ENPP1: variants seen among roughly 807,000 people sequenced by gnomAD.
ENPP1 encodes the protein ectonucleotide pyrophosphatase/phosphodiesterase 1, also known as ectonucleotide pyrophosphatase/phosphodiesterase family member 1.
Under a neutral mutation model 122.8 loss-of-function variants are expected in ENPP1, and 73 were observed. That is an observed-to-expected ratio of 0.59 (90% CI 0.49 to 0.72). The LOEUF is 0.72. Ranked by LOEUF, ENPP1 falls within the 30% of genes least tolerant of loss-of-function variation. ENPP1 has a pLI of 0.00. For synonymous variants in ENPP1, 367 were observed against 391.6 expected (o/e 0.94, Z 0.74); for missense variants, 978 against 1,128.1 (o/e 0.87, Z 1.91).
At chr6:131,837,322 T>C (rs907103864) in intron 1 of ENPP1, among the ~76,000 whole-genome samples, 4 of 151,782 alleles carry the variant, frequency 2.6e-5, no homozygotes, top group African/African-American at 7.3e-5. Context: ...GGTCAGGAGT[T>C]TGAGACCATC....
intron 1 of ENPP1, chr6:131,826,911 C>T: frequency 2.6e-6 from 1 of 384,634 alleles, no homozygotes; most frequent in South Asian, 2.5e-5. Context: ...GGTGAAATAC[C>T]CAGCATGGGA....
chr6:131,825,398 A>G (rs1258237846), intron 1 of ENPP1, among the ~76,000 whole-genome samples: 1 of 152,226 alleles, frequency 6.6e-6, no homozygotes, highest in African/African-American at 2.4e-5. Context: ...ACCACTAGCT[A>G]CATGTGGCTA....
Position 131,808,126 on chromosome 6 carries a change from C to G in ENPP1, c.91C>G (p.Arg31Gly). ...GGGCCCGGCGGGGAACGGCCGCGAT[C>G]GGGGCCGCAGCCACGCTGCCGAGGC... is the stretch of plus-strand genomic sequence containing the variant. ...REGPAGNGRD[R>G]GRSHAAEAPG... is the part of the protein sequence containing the mutation. Residue 31 changes from arginine (R) to glycine (G), a missense_variant, in exon 1 of 25, where the codon CGG (arginine) becomes GGG (glycine). By Grantham distance (125) the Arg-to-Gly change is moderately radical. This residue lies in a region of ENPP1 where 330 missense variants were observed against 328.5 expected (regional missense o/e 1.00). Coordinates refer to ENST00000647893, the MANE Select transcript of ENPP1 (RefSeq NM_006208.3). The G allele has an allele frequency of 7.7e-7, 1 of 1,299,892 alleles. No individual in the cohort carries two copies. The highest frequency in any genetic ancestry group is 9.8e-7 in the Non-Finnish European group (1 of 1,019,288). The allele number at this position is 1,299,892 out of a possible 1,614,324, so 80.5% of individuals were successfully genotyped here.
At position 131,861,646 on chromosome 6, in the gene ENPP1, C is replaced by T. The variant is rs1782024841; in HGVS notation, c.967C>T (p.Pro323Ser). ...CCTCAAGTCTGGCACATTTTTCTGG[C>T]CAGGATCAGATGTGGAAATTAACGG... ...QGLKSGTFFW[P>S]GSDVEINGIF... Residue 323 changes from proline to serine, a missense_variant, in exon 9 of 25, where the codon CCA becomes TCA. Around this residue, in one of 3 missense-constraint regions of ENPP1, gnomAD observed 644 missense variants for 781.5 expected, o/e 0.82. Transcript: ENST00000647893. The T allele has an allele frequency of 6.2e-7, 1 of 1,613,712 alleles. No individual in the cohort carries two copies. The highest frequency in any genetic ancestry group is 8.5e-7 in the Non-Finnish European group (1 of 1,179,682).
intron 1 of ENPP1, among the ~76,000 whole-genome samples, chr6:131,819,353 A>G (rs1296286367): frequency 2.0e-5 from 3 of 152,272 alleles, no homozygotes. Flanking sequence ...AGATATATGC[A>G]TTCTATCGAA....
chr6:131,836,863 T>A (rs1781680969), intron 1 of ENPP1, among the ~76,000 whole-genome samples: 1 of 152,208 alleles, frequency 6.6e-6, no homozygotes, highest in East Asian at 1.9e-4. Context: ...GGGCAGAGAT[T>A]GTTTTTATCC....
At position 131,872,890 on chromosome 6, in the gene ENPP1, A is replaced by G. The variant is rs773542955; in HGVS notation, c.1438-33A>G. On this transcript the variant is annotated intron_variant, in intron 14 of 24. Transcript: ENST00000647893. ...TGACACTTTTTTAGATATTAGGGAA[A>G]TAATAGTTTTTCTTTGCTGTTTGCA... 2.0e-5 allele frequency: 33 copies of G among 1,610,826 alleles called. No individual in the cohort carries two copies. In the Middle Eastern group the frequency reaches 1.5e-3, roughly 72 times the overall value.
rs538806367 is a variant in ENPP1, at chr6:131,880,993, G to T, written c.2100+959G>T. Among the ~76,000 whole-genome samples, 26 of 152,238 alleles carry T rather than the reference G, an allele frequency of 1.7e-4. No homozygotes were observed. In the South Asian group the frequency reaches 5.4e-3, roughly 32 times the overall value. ...GGTGAAGGAGATGGTGCTGGAAAGA[G>T]AGAAGGGGGAAGATGAGATTTTGAT... is the stretch of plus-strand genomic sequence containing the variant. On this transcript the variant is annotated intron_variant, in intron 20 of 24. Transcript: ENST00000647893.
intron 1 of ENPP1, among the ~76,000 whole-genome samples, chr6:131,815,302 G>T (rs919894090): frequency 3.9e-5 from 6 of 152,086 alleles, no homozygotes; most frequent in African/African-American, 1.2e-4. Flanking sequence ...TTACACCAAG[G>T]CCTCTTTGGT....
chr6:131,873,667 A>G (rs1473523367), intron 15 of ENPP1, among the ~76,000 whole-genome samples: 1 of 152,050 alleles, frequency 6.6e-6, no homozygotes, highest in Non-Finnish European at 1.5e-5. Flanking sequence ...AATATCTCAC[A>G]ACTTGTTCAT....
intron 22 of ENPP1, among the ~76,000 whole-genome samples, chr6:131,884,143 C>T (rs1233783875): frequency 6.6e-6 from 1 of 152,150 alleles, no homozygotes; most frequent in Non-Finnish European, 1.5e-5. Flanking sequence ...TCATCATTAA[C>T]TATTGCAGCA....
intron 7 of ENPP1, among the ~76,000 whole-genome samples, chr6:131,859,911 G>A (rs1781995817): frequency 6.6e-6 from 1 of 152,194 alleles, no homozygotes. Context: ...GCAGGGCAGT[G>A]TGAGTTTGCC....
chr6:131,818,991 A>T (rs1374827666), intron 1 of ENPP1, among the ~76,000 whole-genome samples: 2 of 152,260 alleles, frequency 1.3e-5, no homozygotes, highest in African/African-American at 4.8e-5. Flanking sequence ...TGAGCTTCCA[A>T]GCAAAAATTA....
chr6:131,867,959 TG>T, intron 11 of ENPP1, 58 bp from the exon 12 acceptor site: 1 of 1,044,290 alleles, frequency 9.6e-7, no homozygotes, highest in East Asian at 2.4e-5. Flanking sequence ...GATAGCTTTA[TG>T]TATAAATAGC....
At chr6:131,885,160 T>C (rs1030944167) in intron 23 of ENPP1, 97 bp downstream of exon 23, 10 of 1,158,446 alleles carry the variant, frequency 8.6e-6, no homozygotes, top group Non-Finnish European at 1.1e-5. Flanking sequence ...TTTTATCCAG[T>C]GTCGTATGTT....
intron 9 of ENPP1, among the ~76,000 whole-genome samples, chr6:131,863,724 G>A (rs976527624): frequency 2.0e-4 from 30 of 151,138 alleles, no homozygotes; most frequent in Admixed American, 3.3e-4. Flanking sequence ...TGGCTAACAC[G>A]GTGAAACCCT....
At position 131,869,451 on chromosome 6, in the gene ENPP1, G is replaced by T. The variant is rs765071179; in HGVS notation, c.1367G>T (p.Arg456Leu). 1 of 1,613,148 alleles carries T rather than the reference G, an allele frequency of 6.2e-7. No homozygotes were observed. The highest frequency in any genetic ancestry group is 8.5e-7 in the Non-Finnish European group (1 of 1,179,392). ...NIKVIYGPAARLRPSDVPDKY... is the reference protein window; with the variant it reads ...NIKVIYGPAALLRPSDVPDKY... ...AAAGTTATCTATGGACCTGCAGCTC[G>T]ATTGAGACCCTCTGATGTCCCAGAT... is the stretch of plus-strand genomic sequence containing the variant. Residue 456 changes from arginine to leucine, a missense_variant, in exon 13 of 25, where the codon CGA (arginine) becomes CTA (leucine). This residue lies in a region of ENPP1 where 644 missense variants were observed against 781.5 expected (regional missense o/e 0.82). Coordinates refer to ENST00000647893, the MANE Select transcript of ENPP1 (RefSeq NM_006208.3).
intron 13 of ENPP1, among the ~76,000 whole-genome samples, chr6:131,871,747 A>G (rs1054784574): frequency 6.6e-6 from 1 of 152,164 alleles, no homozygotes; most frequent in Non-Finnish European, 1.5e-5. Context: ...TACTAACTGG[A>G]TGGAAAGATG....
intron 1 of ENPP1, chr6:131,819,736 C>T (rs943004): frequency 0.086 from 24,237 of 282,940 alleles, 1,416 homozygotes; most frequent in African/African-American, 0.19. Flanking sequence ...GCCAGCCCCC[C>T]ACTTCTTGAT....
Sources: allele counts gnomAD v4.1 joint callset (sites outside exome capture counted in the v4.1 genomes callset), GRCh38; gene constraint gnomAD v4.1.1; regional missense constraint gnomAD v4.1.1; transcripts MANE v1.5; gene names NCBI Gene and HGNC (gene_info 2026-07-23, HGNC 2026-07-21).